Variants in FABP3 observed in about 807,000 individuals in gnomAD.
FABP3 encodes the protein fatty acid binding protein 3.
Under a neutral mutation model 13.4 loss-of-function variants are expected in FABP3, and 8 were observed. The ratio of observed to expected loss-of-function variants is 0.60; its 90% CI spans 0.35 to 1.07. FABP3 has a LOEUF of 1.07. FABP3 is among the 50% of genes least tolerant of loss of function. The probability of loss-of-function intolerance (pLI) is 0.02; values close to 1 mark genes in which losing one functional copy is unlikely to be tolerated. For missense variants in FABP3, 135 were observed against 164.7 expected (o/e 0.82, Z 0.99); for synonymous variants, 64 against 60.0 (o/e 1.07, Z -0.31).
the FABP3 span, among the ~76,000 whole-genome samples, chr1:31,360,165 G>T: frequency 2.0e-5 from 3 of 150,436 alleles, no homozygotes; most frequent in African/African-American, 7.4e-5. Context: ...TTGTGTGTGC[G>T]TGTTTTGTTT....
intron 3 of FABP3, 24 bp from the exon 4 acceptor site, chr1:31,365,963 TGGG>T (rs766128256): frequency 1.2e-6 from 2 of 1,611,842 alleles, no homozygotes; most frequent in East Asian, 2.2e-5. Flanking sequence ...CAGAGTGAGA[TGGG>T]GGGTGGAGCC....
In FABP3 at chr1:31,372,925, C is replaced by A. The variant is rs1224860835; in HGVS notation, c.73+17G>T. On this transcript the variant is annotated intron_variant, in intron 1 of 3. Coordinates refer to ENST00000373713, the MANE Select transcript of FABP3 (RefSeq NM_004102.5). The stretch of plus-strand genomic sequence containing the variant: ...CCAGTCCCCAAGCCAACATCCTGAG[C>A]CCCGCGGCTTGCTCACCGAGTGACT... The A allele has an allele frequency of 6.2e-7, 1 of 1,611,370 alleles. No individual in the cohort carries two copies. Among genetic ancestry groups the A allele is most frequent in the African/African-American group, 1.3e-5 (1 of 74,938 alleles).
At chr1:31,362,446 T>C (rs1251056544), downstream of FABP3, among the ~76,000 whole-genome samples, 1 of 152,204 alleles carries the variant, frequency 6.6e-6, no homozygotes, top group African/African-American at 2.4e-5. Context: ...ATGCCGTGCT[T>C]AAAATCTGCT....
In FABP3 at chr1:31,369,369, T is replaced by C; in HGVS notation, c.246+16A>G. ...CTCAGCACTCTCCATTCCCCACCCCTGTTTCCCTGACTTACCTTGACCTTC... is the reference window on the plus strand; with the variant it reads ...CTCAGCACTCTCCATTCCCCACCCCCGTTTCCCTGACTTACCTTGACCTTC... On this transcript the variant is annotated intron_variant, in intron 2 of 3. Coordinates refer to ENST00000373713, the MANE Select transcript of FABP3 (RefSeq NM_004102.5). 4.3e-6 allele frequency: 7 copies of C among 1,611,768 alleles called. No individual in the cohort carries two copies. Among genetic ancestry groups the C allele is most frequent in the Non-Finnish European group, 5.9e-6 (7 of 1,178,206 alleles).
chr1:31,363,377 G>T (rs1639999638), downstream of FABP3, among the ~76,000 whole-genome samples: 1 of 151,984 alleles, frequency 6.6e-6, no homozygotes, highest in African/African-American at 2.4e-5. Context: ...TAGAGACGGG[G>T]TTTCACCATG....
chr1:31,369,427 C>G lies in FABP3; in HGVS notation c.204G>C (p.Gly68=). The G allele has an allele frequency of 1.2e-6, 2 of 1,614,134 alleles. No individual in the cohort carries two copies. Among genetic ancestry groups the G allele is most frequent in the South Asian group, 2.2e-5 (2 of 91,070 alleles). Residue 68 remains glycine, a synonymous_variant, in exon 2 of 4, where the codon GGG becomes GGC. Transcript: ENST00000373713. ...CTGCTGTTGTCTCATCGAACTCCAC[C>G]CCCAACTTAAAGCTGATCTCTGTGT... ...FKNTEISFKL[G]VEFDETTADD...
At chr1:31,369,602 A>G in intron 1 of FABP3, 45 bp from the exon 2 acceptor site, 2 of 1,592,714 alleles carry the variant, frequency 1.3e-6, no homozygotes, top group South Asian at 1.1e-5. Context: ...TGGGGTAGAG[A>G]AGCAGTGTAC....
downstream of FABP3, chr1:31,364,282 T>C (rs540702936): frequency 6.1e-6 from 9 of 1,485,504 alleles, no homozygotes; most frequent in African/African-American, 2.8e-5. Flanking sequence ...AGTGAGAATA[T>C]AGCCTCCCAC....
chr1:31,367,555 G>A, intron 2 of FABP3, 61 bp from the exon 3 acceptor site: 2 of 1,416,156 alleles, frequency 1.4e-6, no homozygotes, highest in Non-Finnish European at 2.0e-6. Context: ...GGGCAGGGTG[G>A]GGTCTGGACA....
At chr1:31,362,250 T>A (rs1249309048), downstream of FABP3, among the ~76,000 whole-genome samples, 1 of 152,228 alleles carries the variant, frequency 6.6e-6, no homozygotes, top group Non-Finnish European at 1.5e-5. Flanking sequence ...GCTTCAGTGT[T>A]CTTTCCACCA....
rs781305025 is a variant in FABP3 at position 31,367,492 on chromosome 1, G to C, written c.249C>G (p.Ser83=). The C allele has an allele frequency of 1.2e-6, 2 of 1,613,514 alleles. No individual in the cohort carries two copies. Among genetic ancestry groups the C allele is most frequent in the Non-Finnish European group, 1.7e-6 (2 of 1,179,432 alleles). The change falls in exon 3 of 4, where the codon TCC becomes TCG. Residue 83 remains serine (S), a splice_region_variant and synonymous_variant. Transcript: ENST00000373713. The part of the protein sequence containing the change: ...ETTADDRKVK[S]IVTLDGGKLV... ...GTTTCCCTCCATCCAGTGTCACAAT[G>C]GACTGTGGAAAGAGGGTAGAGGCCT... is the stretch of plus-strand genomic sequence containing the variant.
At chr1:31,370,293 T>G (rs1175185135) in intron 1 of FABP3, among the ~76,000 whole-genome samples, 1 of 152,182 alleles carries the variant, frequency 6.6e-6, no homozygotes, top group Non-Finnish European at 1.5e-5. Flanking sequence ...CAGAGCTTGC[T>G]TAAGTGCTCA....
chr1:31,372,888 G>A lies in FABP3; in HGVS notation c.73+54C>T, dbSNP rs879747520. On this transcript the variant is annotated intron_variant, in intron 1 of 3. Coordinates refer to ENST00000373713, the MANE Select transcript of FABP3 (RefSeq NM_004102.5). Reference sequence around the variant, plus strand: ...CGGCAGGAGTGCTGCGTGGGGCTAGGCACGCCACCAGCCAGTCCCCAAGCC... The same window carrying A: ...CGGCAGGAGTGCTGCGTGGGGCTAGACACGCCACCAGCCAGTCCCCAAGCC... 966 of 1,526,976 alleles carry A rather than the reference G, an allele frequency of 6.3e-4. 1 individual carries two copies. Among genetic ancestry groups the A allele is most frequent in the Non-Finnish European group, 7.5e-4 (829 of 1,107,212 alleles). The allele number at this position is 1,526,976 out of a possible 1,614,324, so 94.6% of individuals were successfully genotyped here.
At chr1:31,371,529 G>T (rs889824216) in intron 1 of FABP3, among the ~76,000 whole-genome samples, 1 of 152,178 alleles carries the variant, frequency 6.6e-6, no homozygotes, top group Non-Finnish European at 1.5e-5. Context: ...CCATTCCTAC[G>T]ATGAGAATGC....
intron 2 of FABP3, among the ~76,000 whole-genome samples, chr1:31,368,462 T>G (rs575583248): frequency 3.3e-5 from 5 of 152,270 alleles, no homozygotes; most frequent in Middle Eastern, 3.4e-3. Flanking sequence ...GAGCAGGTGG[T>G]GGGGCAGCCA....
At chr1:31,369,309 G>C (rs1640163630) in intron 2 of FABP3, 76 bp downstream of exon 2, 1 of 1,493,384 alleles carries the variant, frequency 6.7e-7, no homozygotes, top group Non-Finnish European at 9.2e-7. Context: ...GCAATACCAG[G>C]GAGCCAAGAC....
Position 31,366,839 on chromosome 1 carries a change from C to T in FABP3, c.348+554G>A, listed in dbSNP as rs375267584. Among the ~76,000 whole-genome samples the T allele has an allele frequency of 2.6e-4, 40 of 152,328 alleles. No individual in the cohort carries two copies. The South Asian group carries it at 7.9e-3, about 30-fold the overall frequency. On this transcript the variant is annotated intron_variant, in intron 3 of 3. Transcript: ENST00000373713. ...CTAGAATGGGGAAGAAAGGACTGTA[C>T]TGTCATTCAGTGTCCCCACCAGTCA...
At chr1:31,364,187 G>A, downstream of FABP3, 1 of 1,613,234 alleles carries the variant, frequency 6.2e-7, no homozygotes, top group Non-Finnish European at 8.5e-7. Context: ...AGAAGCACAA[G>A]GAGTGAGAGT....
chr1:31,363,998 C>T (rs1238439852), downstream of FABP3: 1 of 1,607,514 alleles, frequency 6.2e-7, no homozygotes, highest in Non-Finnish European at 8.5e-7. Flanking sequence ...CAAATATACA[C>T]ATACAGTGTT....
Sources: allele counts gnomAD v4.1 joint callset (sites outside exome capture counted in the v4.1 genomes callset), GRCh38; gene constraint gnomAD v4.1.1; transcripts MANE v1.5; gene names NCBI Gene and HGNC (gene_info 2026-07-23, HGNC 2026-07-21).